Variants in FOXP1 observed in about 807,000 individuals in gnomAD.
FOXP1 encodes forkhead box P1.
A neutral mutation model predicts 98.2 loss-of-function variants in FOXP1; 15 were observed. That is an observed-to-expected ratio of 0.15 (90% CI 0.10 to 0.24). The LOEUF is 0.24. Ranked by LOEUF, FOXP1 falls within the 10% of genes least tolerant of loss-of-function variation. The pLI, the probability that FOXP1 is intolerant of heterozygous loss-of-function variation, is 1.00. For synonymous variants in FOXP1, 371 were observed against 314.5 expected (o/e 1.18, Z -1.90); for missense variants, 633 against 848.5 (o/e 0.75, Z 3.15).
intron 5 of FOXP1, among the ~76,000 whole-genome samples, chr3:71,240,702 C>T (rs1318787150): frequency 4.0e-5 from 6 of 151,478 alleles, no homozygotes; most frequent in Admixed American, 6.6e-5. Context: ...CCACCATGCC[C>T]GGCTAATTTT....
intron 9 of FOXP1, among the ~76,000 whole-genome samples, chr3:71,051,342 G>A (rs537723609): frequency 6.6e-5 from 10 of 152,210 alleles, no homozygotes; most frequent in Admixed American, 5.2e-4. Context: ...ACTCTGCAGG[G>A]GTTTACATCC....
intron 7 of FOXP1, among the ~76,000 whole-genome samples, chr3:71,081,836 T>C (rs1328898127): frequency 6.6e-6 from 1 of 152,256 alleles, no homozygotes; most frequent in East Asian, 1.9e-4. Context: ...TGTCCAACAG[T>C]GTACACAGTA....
intron 5 of FOXP1, among the ~76,000 whole-genome samples, chr3:71,270,439 G>C (rs1236992593): frequency 3.3e-5 from 5 of 152,212 alleles, no homozygotes; most frequent in Non-Finnish European, 7.3e-5. Context: ...AGTTGTTAAA[G>C]ATACAGGAAT....
chr3:71,324,352 A>C (rs1488329995), intron 4 of FOXP1, among the ~76,000 whole-genome samples: 1 of 152,200 alleles, frequency 6.6e-6, no homozygotes, highest in African/African-American at 2.4e-5. Context: ...AATAGCAAAG[A>C]CTTGGAACCA....
At chr3:71,405,729 TA>T (rs1403160404) in intron 3 of FOXP1, among the ~76,000 whole-genome samples, 6 of 151,890 alleles carry the variant, frequency 4.0e-5, no homozygotes, top group South Asian at 2.1e-4. Flanking sequence ...TTTATTTATT[TA>T]TTTATTTATT....
intron 5 of FOXP1, among the ~76,000 whole-genome samples, chr3:71,205,043 G>A (rs539310604): frequency 1.6e-3 from 243 of 152,226 alleles, no homozygotes; most frequent in African/African-American, 5.4e-3. Flanking sequence ...TCTAAAGCAT[G>A]GCAGTTCAAA....
intron 11 of FOXP1, among the ~76,000 whole-genome samples, chr3:71,022,295 A>G (rs1161704116): frequency 6.6e-6 from 1 of 152,132 alleles, no homozygotes; most frequent in Non-Finnish European, 1.5e-5. Flanking sequence ...TTTAAATTTC[A>G]CTTTTCTTAG....
At chr3:71,404,201 C>T (rs528470057) in intron 3 of FOXP1, among the ~76,000 whole-genome samples, 26 of 133,648 alleles carry the variant, frequency 1.9e-4, no homozygotes, top group Non-Finnish European at 3.6e-4. Flanking sequence ...GATCTTGGCT[C>T]ACCGCAACCT....
chr3:71,285,505 G>A (rs1040662142), intron 5 of FOXP1, among the ~76,000 whole-genome samples: 4 of 152,164 alleles, frequency 2.6e-5, no homozygotes, highest in African/African-American at 7.2e-5. Flanking sequence ...GAAGAAGGGT[G>A]AAAAGTGGGC....
intron 11 of FOXP1, among the ~76,000 whole-genome samples, chr3:71,037,321 A>C (rs1022773951): frequency 6.6e-6 from 1 of 152,188 alleles, no homozygotes; most frequent in African/African-American, 2.4e-5. Context: ...TGATCCAAGA[A>C]GCTCAAAGGG....
intron 3 of FOXP1, among the ~76,000 whole-genome samples, chr3:71,437,524 T>C (rs1008704048): frequency 3.3e-5 from 5 of 152,164 alleles, no homozygotes; most frequent in Admixed American, 6.6e-5. Flanking sequence ...TCACCAGGAA[T>C]GGCAGATGCA....
intron 4 of FOXP1, among the ~76,000 whole-genome samples, chr3:71,357,650 G>C (rs1460152847): frequency 6.6e-6 from 1 of 152,170 alleles, no homozygotes; most frequent in African/African-American, 2.4e-5. Flanking sequence ...GGCATCATTG[G>C]ATAAGGCTAC....
intron 2 of FOXP1, among the ~76,000 whole-genome samples, chr3:71,538,498 T>C (rs2044491656): frequency 6.6e-6 from 1 of 152,204 alleles, no homozygotes; most frequent in African/African-American, 2.4e-5. Flanking sequence ...AGTACTTCAT[T>C]CCTTTTTGTG....
chr3:71,260,088 A>G (rs1310810572), intron 5 of FOXP1, among the ~76,000 whole-genome samples: 1 of 152,120 alleles, frequency 6.6e-6, no homozygotes, highest in South Asian at 2.1e-4. Context: ...GGTTCACGCT[A>G]TTCTCCTGCC....
intron 12 of FOXP1, among the ~76,000 whole-genome samples, chr3:71,012,416 G>A (rs918372482): frequency 2.0e-5 from 3 of 152,156 alleles, no homozygotes; most frequent in Admixed American, 2.0e-4. Flanking sequence ...GATAATAATT[G>A]TAAACGGCTG....
intron 11 of FOXP1, among the ~76,000 whole-genome samples, chr3:71,030,277 C>A (rs2046685529): frequency 6.6e-6 from 1 of 152,210 alleles, no homozygotes; most frequent in Admixed American, 6.5e-5. Flanking sequence ...CCAGTATGGT[C>A]CATAACGCAG....
chr3:71,467,159 G>A (rs532868870), intron 3 of FOXP1, among the ~76,000 whole-genome samples: 4 of 152,092 alleles, frequency 2.6e-5, no homozygotes, highest in East Asian at 1.9e-4. Flanking sequence ...AAACATACAC[G>A]TATATATACA....
chr3:71,479,362 G>T (rs1463810971), intron 3 of FOXP1, among the ~76,000 whole-genome samples: 1 of 152,194 alleles, frequency 6.6e-6, no homozygotes, highest in Non-Finnish European at 1.5e-5. Context: ...AAATGATGGA[G>T]ATAGGTTTGT....
chr3:70,967,882 A>G (rs1404854306), intron 19 of FOXP1, among the ~76,000 whole-genome samples: 1 of 151,922 alleles, frequency 6.6e-6, no homozygotes, highest in Non-Finnish European at 1.5e-5. Flanking sequence ...CAAGGTCAGA[A>G]TGTGGCAAAA....
Sources: allele counts gnomAD v4.1 joint callset (sites outside exome capture counted in the v4.1 genomes callset), GRCh38; gene constraint gnomAD v4.1.1; transcripts MANE v1.5; gene names NCBI Gene and HGNC (gene_info 2026-07-23, HGNC 2026-07-21).